Variants in SCAI observed in about 807,000 individuals in gnomAD.
SCAI encodes the protein protein SCAI.
Under a neutral mutation model 92.2 loss-of-function variants are expected in SCAI, and 24 were observed. The ratio of observed to expected loss-of-function variants is 0.26; its 90% CI spans 0.19 to 0.37. The LOEUF is 0.37. SCAI is among the 10% of genes least tolerant of loss of function. The probability of loss-of-function intolerance (pLI) is 1.00; values close to 1 mark genes in which losing one functional copy is unlikely to be tolerated. For missense variants in SCAI, 450 were observed against 736.2 expected, an observed-to-expected ratio of 0.61 and a Z score of 4.50; for synonymous variants, 261 against 258.6, an observed-to-expected ratio of 1.01 and a Z score of -0.09.
intron 2 of SCAI, among the ~76,000 whole-genome samples, chr9:125,135,506 A>G (rs1365267125): frequency 6.6e-6 from 1 of 152,006 alleles, no homozygotes; most frequent in Non-Finnish European, 1.5e-5. Context: ...AGAAAAAATT[A>G]GCTGGGCATG....
chr9:125,073,198 G>A (rs1327154705), intron 2 of SCAI, among the ~76,000 whole-genome samples: 1 of 133,372 alleles, frequency 7.5e-6, no homozygotes, highest in African/African-American at 2.8e-5. Context: ...TCCGCCTCCC[G>A]GGTTCACGCC....
intron 3 of SCAI, among the ~76,000 whole-genome samples, chr9:125,046,207 A>ATATATATATATG (rs1242589518): frequency 7.9e-6 from 1 of 127,214 alleles, no homozygotes; most frequent in Non-Finnish European, 1.7e-5. Flanking sequence ...ATATATATAT[A>ATATATATATATG]TATATATATA....
chr9:125,013,323 C>A (rs879726124), intron 9 of SCAI, among the ~76,000 whole-genome samples: 2 of 151,582 alleles, frequency 1.3e-5, no homozygotes, highest in Non-Finnish European at 2.9e-5. Flanking sequence ...ATCAAATAGA[C>A]GCAATAAAAA....
At chr9:125,024,680 C>T (rs1832934899) in intron 6 of SCAI, among the ~76,000 whole-genome samples, 1 of 152,086 alleles carries the variant, frequency 6.6e-6, no homozygotes, top group Non-Finnish European at 1.5e-5. Flanking sequence ...TATACATTTG[C>T]CTAGGAAACT....
At chr9:125,102,603 C>CT (rs71878415) in intron 2 of SCAI, among the ~76,000 whole-genome samples, 33,178 of 148,090 alleles carry the variant, frequency 0.22, 4,334 homozygotes, top group Non-Finnish European at 0.3. Flanking sequence ...AACAAACCCA[C>CT]TTTTTTTTTT....
At chr9:125,009,914 T>A (rs1326437049) in intron 9 of SCAI, among the ~76,000 whole-genome samples, 8 of 150,216 alleles carry the variant, frequency 5.3e-5, no homozygotes. Flanking sequence ...TAAAGTCAGT[T>A]GGCCAGGCGA....
chr9:124,969,220 C>T (rs1831603641), intron 17 of SCAI, among the ~76,000 whole-genome samples: 1 of 152,146 alleles, frequency 6.6e-6, no homozygotes, highest in Non-Finnish European at 1.5e-5. Context: ...GCTGAGATTA[C>T]AGGTGTGAGC....
rs763199701 is a variant in SCAI, at chr9:125,005,202, GATA to G, written c.862-1635_862-1633del. On this transcript the variant is annotated intron_variant, in intron 9 of 17. Coordinates refer to ENST00000336505, the MANE Select transcript of SCAI (RefSeq NM_001144877.3). The stretch of plus-strand genomic sequence containing the variant: ...TATATAGAACTTCAGGAACACACAT[GATA>G]ATAAAACAGATGAGAATTTTTTAAA... 3.5e-4 allele frequency among the ~76,000 whole-genome samples: 53 copies of G among 152,142 alleles called. 1 individual carries two copies. The highest frequency in any genetic ancestry group is 1.4e-3 in the Admixed American group (22 of 15,252).
intron 2 of SCAI, among the ~76,000 whole-genome samples, chr9:125,107,904 G>A (rs925936554): frequency 5.3e-5 from 8 of 152,164 alleles, no homozygotes; most frequent in African/African-American, 1.9e-4. Flanking sequence ...CTGTACTGCT[G>A]CCGTCTCCAC....
chr9:125,141,790 CCTCT>C (rs1310222765), intron 2 of SCAI, among the ~76,000 whole-genome samples: 7 of 151,392 alleles, frequency 4.6e-5, no homozygotes, highest in Admixed American at 3.9e-4. Context: ...AAATATTTGG[CCTCT>C]CTGTGTCGCA....
In SCAI at chr9:125,017,146, GCTGTA is replaced by G. The variant is rs150039693; in HGVS notation, c.861+1648_861+1652del. Among the ~76,000 whole-genome samples, 284 of 152,166 alleles carry G rather than the reference GCTGTA, an allele frequency of 1.9e-3. 4 individuals carry two copies. The East Asian group carries it at 0.043, about 23-fold the overall frequency. On this transcript the variant is annotated intron_variant, in intron 9 of 17. Coordinates refer to ENST00000336505, the MANE Select transcript of SCAI (RefSeq NM_001144877.3). ...TGGTCATAGAGTGTGCACATATGGA[GCTGTA>G]CTAGATAATGCCTGACACTTTTCTA...
chr9:125,090,268 A>T (rs1442956939), intron 2 of SCAI, among the ~76,000 whole-genome samples: 2 of 152,186 alleles, frequency 1.3e-5, no homozygotes, highest in East Asian at 1.9e-4. Flanking sequence ...AAAGGCCTCT[A>T]GAAAGGTCTA....
chr9:125,084,780 T>C (rs1834292960), intron 2 of SCAI, among the ~76,000 whole-genome samples: 1 of 152,206 alleles, frequency 6.6e-6, no homozygotes. Context: ...AGGTAGATTC[T>C]ATAATGACAT....
chr9:125,049,332 T>G (rs999030303), intron 3 of SCAI, among the ~76,000 whole-genome samples: 5 of 152,202 alleles, frequency 3.3e-5, no homozygotes, highest in Non-Finnish European at 7.3e-5. Context: ...ACAGCTGTGT[T>G]TCTCAAATAC....
chr9:125,066,769 A>G (rs537386593), intron 2 of SCAI, among the ~76,000 whole-genome samples: 2 of 152,146 alleles, frequency 1.3e-5, no homozygotes, highest in South Asian at 4.2e-4. Flanking sequence ...TTTTTTTTAA[A>G]GATGCAGTTG....
intron 2 of SCAI, among the ~76,000 whole-genome samples, chr9:125,135,400 C>T (rs1481940934): frequency 6.6e-6 from 1 of 152,168 alleles, no homozygotes; most frequent in Non-Finnish European, 1.5e-5. Context: ...GCCTGTAATC[C>T]CAGCACTTTG....
At chr9:125,019,409 A>AAAGTCTTT (rs1832825431) in intron 7 of SCAI, among the ~76,000 whole-genome samples, 3 of 152,110 alleles carry the variant, frequency 2.0e-5, no homozygotes, top group Admixed American at 2.0e-4. Flanking sequence ...CCCATCAAAT[A>AAAGTCTTT]AAGTCTTTAC....
rs372511771 is a variant in SCAI at position 125,044,772 on chromosome 9, G to A, written c.230+11104C>T. Among the ~76,000 whole-genome samples, 97 of 152,288 alleles carry A rather than the reference G, an allele frequency of 6.4e-4. 2 individuals are homozygous for A. In the South Asian group the frequency reaches 0.019, roughly 31 times the overall value. On this transcript the variant is annotated intron_variant, in intron 3 of 17. Transcript: ENST00000336505. ...GGGAGTTCAGACCTATGGGCTCCCT[G>A]AGCCAGGGTTGTGACATCCTCTTTG...
chr9:124,989,927 C>A (rs1832083441), intron 14 of SCAI, among the ~76,000 whole-genome samples: 1 of 151,772 alleles, frequency 6.6e-6, no homozygotes, highest in Non-Finnish European at 1.5e-5. Context: ...GTAATCCCAG[C>A]ACGTTGGGAG....
Sources: gnomAD v4.1 joint callset for allele counts (sites outside exome capture counted in the v4.1 genomes callset) on GRCh38, gnomAD v4.1.1 for gene constraint, MANE v1.5 for transcripts, NCBI Gene and HGNC (gene_info 2026-07-23, HGNC 2026-07-21) for gene names.